Variants in ZFYVE26 observed in about 807,000 individuals in gnomAD.
ZFYVE26 encodes the protein zinc finger FYVE domain-containing protein 26.
In ZFYVE26, 181 loss-of-function variants were observed where a neutral mutation model predicts 276.5. The observed-to-expected ratio is 0.65, with a 90% CI of 0.58 to 0.74. ZFYVE26 has a LOEUF of 0.74. ZFYVE26 is among the 30% of genes least tolerant of loss of function. The pLI is 0.00. For synonymous variants in ZFYVE26, 1,129 were observed against 1,203.1 expected (o/e 0.94, Z 1.27); for missense variants, 2,821 against 3,097.9 (o/e 0.91, Z 2.12).
rs776920735 is a variant in ZFYVE26 at position 67,769,705 on chromosome 14, C to G, written c.5510G>C (p.Arg1837Pro). ...TMFNRRHHCRRCGRLVCSSCS... is the reference protein window; with the variant it reads ...TMFNRRHHCRPCGRLVCSSCS... The stretch of plus-strand genomic sequence containing the variant: ...GGAGCTGCACACTAGCCGGCCACAG[C>G]GGCGACAATGATGACGCCTGTTAAA... Residue 1837 changes from arginine (R) to proline (P), a missense_variant, in exon 29 of 42, where the codon CGC becomes CCC. Physicochemically the swap from Arg to Pro is moderately radical, Grantham distance 103. Transcript: ENST00000347230. The G allele has an allele frequency of 1.9e-6, 3 of 1,614,044 alleles. No individual in the cohort carries two copies. Among genetic ancestry groups the G allele is most frequent in the Non-Finnish European group, 2.5e-6 (3 of 1,180,016 alleles).
In ZFYVE26 at chr14:67,790,762, C is replaced by A. The variant is rs145738942; in HGVS notation, c.2565G>T (p.Thr855=). ...NFAEAHQVLF[T]FNLKSSPSSG... The stretch of plus-strand genomic sequence containing the variant: ...AACTGGGTGAGGACTTCAGGTTGAA[C>A]GTGAACAGCACCTGTCATAGGAGAG... Residue 855 remains threonine, a synonymous_variant, in exon 15 of 42, where the codon ACG becomes ACT. Transcript: ENST00000347230. 2 of 1,613,942 alleles carry A rather than the reference C, an allele frequency of 1.2e-6. No homozygotes were observed. Among genetic ancestry groups the A allele is most frequent in the Admixed American group, 1.7e-5 (1 of 59,998 alleles).
At chr14:67,735,352 T>G (rs2038339763) in intron 13 of ZFYVE26, 1 of 754,452 alleles carries the variant, frequency 1.3e-6, no homozygotes, top group East Asian at 2.5e-5. Flanking sequence ...CTGCTCAGCC[T>G]GGGCAAGGAA....
At chr14:67,780,072 C>T (rs878945606) in intron 23 of ZFYVE26, among the ~76,000 whole-genome samples, 169 bp downstream of exon 23, 2 of 152,052 alleles carry the variant, frequency 1.3e-5, no homozygotes, top group Non-Finnish European at 1.5e-5. Context: ...GGGGTTTCAC[C>T]GTGGTCTCGA....
chr14:67,735,163 A>G, intron 13 of ZFYVE26: 2 of 1,037,032 alleles, frequency 1.9e-6, no homozygotes, highest in Non-Finnish European at 3.1e-6. Context: ...GCATTTTCAG[A>G]ATATTAAGCC....
chr14:67,790,571 C>T lies in ZFYVE26; in HGVS notation c.2755+1G>A, dbSNP rs1199903233. The T allele has an allele frequency of 1.2e-6, 2 of 1,613,270 alleles. No individual in the cohort carries two copies. The highest frequency in any genetic ancestry group is 1.7e-6 in the Non-Finnish European group (2 of 1,179,864). On this transcript the variant is annotated splice_donor_variant, in intron 15 of 41. Coordinates refer to ENST00000347230, the MANE Select transcript of ZFYVE26 (RefSeq NM_015346.4). LOFTEE classifies it high-confidence loss of function. ...TTATGGTGTTAGCAGGGAAGCCTGA[C>T]CTGCTGCTGCAGCGCTGCCAATGGC...
chr14:67,756,299 C>A, intron 35 of ZFYVE26, 154 bp from the exon 36 acceptor site: 1 of 823,766 alleles, frequency 1.2e-6, no homozygotes, highest in Non-Finnish European at 2.0e-6. Flanking sequence ...CTTTGAGAAT[C>A]TCATTCTAGC....
intron 13 of ZFYVE26, among the ~76,000 whole-genome samples, chr14:67,739,999 C>T (rs1393021047): frequency 6.6e-6 from 1 of 152,122 alleles, no homozygotes; most frequent in Non-Finnish European, 1.5e-5. Context: ...GAGGGTGGTT[C>T]TGCTCCCCAT....
At chr14:67,742,822 CTTCT>C (rs2038430175), downstream of ZFYVE26, among the ~76,000 whole-genome samples, 2 of 94,520 alleles carry the variant, frequency 2.1e-5, no homozygotes, top group African/African-American at 8.0e-5. Flanking sequence ...TCCTTCCTTT[CTTCT>C]TTCTTCTTCT....
chr14:67,752,325 G>A lies in ZFYVE26; in HGVS notation c.7371+19C>T. 6.2e-7 allele frequency: 1 copy of A among 1,603,076 alleles called. No homozygotes were observed. The highest frequency in any genetic ancestry group is 8.5e-7 in the Non-Finnish European group (1 of 1,174,754). On this transcript the variant is annotated intron_variant, in intron 40 of 41. Transcript: ENST00000347230. ...ACTGAAATTGATGGAGGAGCCAAGA[G>A]GTACGGGAGGGAGTGTACCTGGGGC...
Position 67,761,487 on chromosome 14 carries a change from T to C in ZFYVE26, c.6467A>G (p.Asn2156Ser). 1.9e-6 allele frequency: 3 copies of C among 1,614,188 alleles called. No individual in the cohort carries two copies. Among genetic ancestry groups the C allele is most frequent in the Non-Finnish European group, 2.5e-6 (3 of 1,180,022 alleles). ...GAGGCATTCCTGGTAGTAGGTGTTGTTCATGATTTTCCCTTCAGGAATCAC... is the reference window on the plus strand; with the variant it reads ...GAGGCATTCCTGGTAGTAGGTGTTGCTCATGATTTTCCCTTCAGGAATCAC... ...LAVIPEGKIMNNTYYQECLFY... is the reference protein window; with the variant it reads ...LAVIPEGKIMSNTYYQECLFY... The change falls in exon 35 of 42, where the codon AAC becomes AGC. Residue 2156 changes from asparagine (N) to serine (S), a missense_variant. Physicochemically the swap from Asn to Ser is conservative, Grantham distance 46. Transcript: ENST00000347230.
At chr14:67,761,904 T>C (rs919203261) in intron 34 of ZFYVE26, 1 of 548,670 alleles carries the variant, frequency 1.8e-6, no homozygotes, top group Non-Finnish European at 3.2e-6. Flanking sequence ...CAACATAACA[T>C]AGAAAATTCA....
In ZFYVE26 at chr14:67,797,747, G is replaced by A. The variant is rs201833051; in HGVS notation, c.2257C>T (p.Pro753Ser). Residue 753 changes from proline (P) to serine (S), a missense_variant, in exon 12 of 42, where the codon CCT becomes TCT. Pro to Ser is a moderately conservative substitution (Grantham distance 74). Coordinates refer to ENST00000347230, the MANE Select transcript of ZFYVE26 (RefSeq NM_015346.4). ...VTSNHRSEEQ[P>S]SRRYQPATRH... ...GTGGCAGGCTGGTATCTTCGGGAAG[G>A]TTGCTCCTCTGAAAGAGCAAACCCA... 6.2e-7 allele frequency: 1 copy of A among 1,614,130 alleles called. No individual in the cohort carries two copies. The highest frequency in any genetic ancestry group is 2.2e-5 in the East Asian group (1 of 44,878).
At chr14:67,776,838 C>T (rs1469209226) in intron 25 of ZFYVE26, among the ~76,000 whole-genome samples, 1 of 152,112 alleles carries the variant, frequency 6.6e-6, no homozygotes, top group South Asian at 2.1e-4. Context: ...AGTAAGTGGG[C>T]CAGTGGTTAT....
In ZFYVE26 at chr14:67,807,867, A is replaced by G; in HGVS notation, c.417T>C (p.Asn139=). 1 of 1,613,952 alleles carries G rather than the reference A, an allele frequency of 6.2e-7. No homozygotes were observed. Among genetic ancestry groups the G allele is most frequent in the Non-Finnish European group, 8.5e-7 (1 of 1,179,898 alleles). ...GAGGAGTCCAGCTCTCCCTCCTTGG[A>G]TTTCCGTCAGGCACGTGGCCTACTG... is the stretch of plus-strand genomic sequence containing the variant. The part of the protein sequence containing the change: ...QGAVGHVPDG[N]PRRESWTPRL... Residue 139 remains asparagine (N), a synonymous_variant, in exon 5 of 42, where the codon AAT becomes AAC. Transcript: ENST00000347230.
intron 23 of ZFYVE26, among the ~76,000 whole-genome samples, chr14:67,779,821 T>C (rs559338403): frequency 1.6e-4 from 25 of 152,332 alleles, no homozygotes; most frequent in Non-Finnish European, 2.9e-4. Context: ...TTAGTCTCTA[T>C]ACTTATCTGG....
rs2140243511 is a variant in ZFYVE26 at position 67,798,628 on chromosome 14, A to G, written c.1640-6T>C. Reference sequence around the variant, plus strand: ...TGAGAAGAGATTTGCAGCACCTACAAAAACATGTACAAGAGAAGAGGCCAG... The same window carrying G: ...TGAGAAGAGATTTGCAGCACCTACAGAAACATGTACAAGAGAAGAGGCCAG... On this transcript the variant is annotated splice_region_variant and splice_polypyrimidine_tract_variant and intron_variant, in intron 10 of 41. Coordinates refer to ENST00000347230, the MANE Select transcript of ZFYVE26 (RefSeq NM_015346.4). 1 of 1,613,782 alleles carries G rather than the reference A, an allele frequency of 6.2e-7. No individual in the cohort carries two copies. The highest frequency in any genetic ancestry group is 1.7e-5 in the Admixed American group (1 of 60,024).
At chr14:67,812,996 C>T (rs2040333594) in intron 3 of ZFYVE26, among the ~76,000 whole-genome samples, 1 of 151,956 alleles carries the variant, frequency 6.6e-6, no homozygotes, top group Admixed American at 6.6e-5. Context: ...TTTTTCTTTC[C>T]TAAACAACTG....
At chr14:67,789,216 A>G (rs1458089754) in intron 16 of ZFYVE26, 119 bp downstream of exon 16, 4 of 1,408,620 alleles carry the variant, frequency 2.8e-6, no homozygotes, top group Non-Finnish European at 4.0e-6. Context: ...ACAAAATTTC[A>G]TAATCCATTC....
intron 13 of ZFYVE26, among the ~76,000 whole-genome samples, chr14:67,738,411 T>TATACTTATAA (rs1173456687): frequency 4.0e-5 from 6 of 148,576 alleles, no homozygotes; most frequent in African/African-American, 1.5e-4. Context: ...AATATACTTA[T>TATACTTATAA]ATACTTATAA....
Sources: gnomAD v4.1 joint callset for allele counts (sites outside exome capture counted in the v4.1 genomes callset) on GRCh38, gnomAD v4.1.1 for gene constraint, MANE v1.5 for transcripts, NCBI Gene and HGNC (gene_info 2026-07-23, HGNC 2026-07-21) for gene names.